The following LHPP variants were observed in gnomAD, a reference collection of about 807,000 sequenced individuals.
LHPP encodes hLHPP.
A neutral mutation model predicts 30.3 loss-of-function variants in LHPP; 24 were observed. The observed-to-expected ratio is 0.79, with a 90% CI of 0.57 to 1.11. The LOEUF (loss-of-function observed/expected upper bound fraction) is 1.11, where lower values mean the gene tolerates loss of function less well. Among genes scored for constraint, LHPP ranks in the 50% most tolerant of loss-of-function variants. The pLI, the probability that LHPP is intolerant of heterozygous loss-of-function variation, is 0.00. For missense variants in LHPP, 356 were observed against 367.2 expected, an observed-to-expected ratio of 0.97 and a Z score of 0.25; for synonymous variants, 150 against 157.1, an observed-to-expected ratio of 0.95 and a Z score of 0.34.
intron 5 of LHPP, among the ~76,000 whole-genome samples, chr10:124,501,484 C>A (rs1953896518): frequency 6.6e-6 from 1 of 151,312 alleles, no homozygotes; most frequent in African/African-American, 2.4e-5. Flanking sequence ...CACCTATAAT[C>A]CTAGCCACTC....
intron 6 of LHPP, among the ~76,000 whole-genome samples, chr10:124,579,968 A>G (rs1948723173): frequency 6.6e-6 from 1 of 152,198 alleles, no homozygotes; most frequent in Non-Finnish European, 1.5e-5. Context: ...TTCTCTTAAG[A>G]CTATGATGGT....
intron 6 of LHPP, among the ~76,000 whole-genome samples, chr10:124,520,014 T>C (rs752651817): frequency 1.8e-4 from 28 of 152,036 alleles, no homozygotes; most frequent in Admixed American, 2.6e-4. Flanking sequence ...TTGGTATTTT[T>C]AGTAGAGACG....
intron 6 of LHPP, among the ~76,000 whole-genome samples, chr10:124,556,996 A>G (rs2133966419): frequency 6.6e-6 from 1 of 152,284 alleles, no homozygotes; most frequent in Middle Eastern, 3.4e-3. Flanking sequence ...TGAAGATGCT[A>G]GCAAATTAAT....
chr10:124,515,057 C>T (rs1486135317), intron 5 of LHPP, among the ~76,000 whole-genome samples: 12 of 152,306 alleles, frequency 7.9e-5, no homozygotes. Flanking sequence ...CCACCTCAGC[C>T]TTCCACAGTG....
At chr10:124,591,128 G>A (rs933758972) in intron 6 of LHPP, among the ~76,000 whole-genome samples, 6 of 152,208 alleles carry the variant, frequency 3.9e-5, no homozygotes, top group East Asian at 1.9e-4. Context: ...CTGCTGCTTC[G>A]GGGTCCAGTC....
In LHPP at chr10:124,598,468, A is replaced by G. The variant is rs144091683; in HGVS notation, c.717-14796A>G. Reference sequence around the variant, plus strand: ...TGGCTGGGCGTGGCCTTGAGGTTCTATTGATAACCCCATGGGGAAAGCCCC... The same window carrying G: ...TGGCTGGGCGTGGCCTTGAGGTTCTGTTGATAACCCCATGGGGAAAGCCCC... On this transcript the variant is annotated intron_variant, in intron 6 of 6. Transcript: ENST00000368842. Among the ~76,000 whole-genome samples, 196 of 152,258 alleles carry G rather than the reference A, an allele frequency of 1.3e-3. 1 individual carries two copies. The highest frequency in any genetic ancestry group is 4.3e-3 in the African/African-American group (179 of 41,554).
At chr10:124,469,303 G>A (rs984204292) in intron 1 of LHPP, among the ~76,000 whole-genome samples, 3 of 152,112 alleles carry the variant, frequency 2.0e-5, no homozygotes, top group Non-Finnish European at 4.4e-5. Context: ...TGCGAGGGGC[G>A]ACACACTGTC....
Position 124,496,033 on chromosome 10 carries a change from TC to T in LHPP, c.468-925del, listed in dbSNP as rs955857441. Among the ~76,000 whole-genome samples the T allele has an allele frequency of 6.6e-6, 1 of 152,196 alleles. No homozygotes were observed. Among genetic ancestry groups the T allele is most frequent in the Non-Finnish European group, 1.5e-5 (1 of 68,028 alleles). On this transcript the variant is annotated intron_variant, in intron 3 of 6. Coordinates refer to ENST00000368842, the MANE Select transcript of LHPP (RefSeq NM_022126.4). This position sits in a 1 kb window ranked among gnomAD's most constrained non-coding sequence, Gnocchi z 4.3. ...TCTGCATACGTGCTTTCTCCACGTC[TC>T]CCATATCGTAAGGGCATGGCAGGAG...
At chr10:124,477,314 CCT>C (rs1952980563) in intron 1 of LHPP, among the ~76,000 whole-genome samples, 1 of 152,180 alleles carries the variant, frequency 6.6e-6, no homozygotes, top group African/African-American at 2.4e-5. Flanking sequence ...TGTCCTTTCC[CCT>C]CTCTGAGGAA....
chr10:124,567,663 C>G (rs1367331607), intron 6 of LHPP, among the ~76,000 whole-genome samples: 1 of 152,246 alleles, frequency 6.6e-6, no homozygotes, highest in Non-Finnish European at 1.5e-5. Context: ...CACTTGTGTT[C>G]CCAGCTGTGG....
At chr10:124,544,864 G>A (rs1955294580) in intron 6 of LHPP, among the ~76,000 whole-genome samples, 1 of 150,900 alleles carries the variant, frequency 6.6e-6, no homozygotes. Flanking sequence ...TCACGTGGAA[G>A]GCGATCACAT....
At chr10:124,487,295 C>T (rs1171181967) in intron 2 of LHPP, among the ~76,000 whole-genome samples, 5 of 152,106 alleles carry the variant, frequency 3.3e-5, no homozygotes, top group African/African-American at 7.2e-5. Context: ...ACCTTTTTTT[C>T]AGAGGGATTG....
intron 6 of LHPP, among the ~76,000 whole-genome samples, chr10:124,601,961 G>A (rs1242944407): frequency 6.6e-6 from 1 of 152,196 alleles, no homozygotes; most frequent in Non-Finnish European, 1.5e-5. Flanking sequence ...TCCTTCTCCA[G>A]GTCCCGTTGA....
chr10:124,592,194 G>T lies in LHPP; in HGVS notation c.717-21070G>T, dbSNP rs909273777. ...GTGACTAGGTGAGGGACAGTGCGGG[G>T]TGGCCTGCCTGCATATGCCAGGTTC... On this transcript the variant is annotated intron_variant, in intron 6 of 6. Coordinates refer to ENST00000368842, the MANE Select transcript of LHPP (RefSeq NM_022126.4). This position sits in a 1 kb window ranked among gnomAD's most constrained non-coding sequence, Gnocchi z 6.2. Among the ~76,000 whole-genome samples the T allele has an allele frequency of 1.1e-4, 17 of 152,170 alleles. No individual in the cohort carries two copies. Among genetic ancestry groups the T allele is most frequent in the African/African-American group, 3.6e-4 (15 of 41,432 alleles).
chr10:124,572,491 C>T (rs1221176345), intron 6 of LHPP, among the ~76,000 whole-genome samples: 1 of 151,768 alleles, frequency 6.6e-6, no homozygotes, highest in African/African-American at 2.4e-5. Flanking sequence ...ATTAGCTGGG[C>T]GTGGTGGTGG....
At chr10:124,506,279 G>A (rs540286099) in intron 5 of LHPP, among the ~76,000 whole-genome samples, 1 of 54,404 alleles carries the variant, frequency 1.8e-5, no homozygotes, top group Non-Finnish European at 3.6e-5. Context: ...CCCCCACCCC[G>A]CGGTTTCTCA....
intron 5 of LHPP, among the ~76,000 whole-genome samples, chr10:124,504,514 T>G (rs1806256586): frequency 6.7e-6 from 1 of 148,596 alleles, no homozygotes; most frequent in African/African-American, 2.5e-5. Context: ...GTGGGCAGAT[T>G]GCTTGGGCCC....
intron 6 of LHPP, among the ~76,000 whole-genome samples, chr10:124,569,339 AG>A (rs1403064559): frequency 1.3e-5 from 2 of 152,132 alleles, no homozygotes; most frequent in African/African-American, 2.4e-5. Flanking sequence ...TCACCCCGTC[AG>A]TTGTCTGTCG....
Position 124,515,935 on chromosome 10 carries a change from C to T in LHPP, c.625-1245C>T, listed in dbSNP as rs186695599. Among the ~76,000 whole-genome samples the T allele has an allele frequency of 9.2e-4, 140 of 151,862 alleles. 1 individual carries two copies. The highest frequency in any genetic ancestry group is 3.0e-3 in the African/African-American group (125 of 41,382). The stretch of plus-strand genomic sequence containing the variant: ...GCTGAGTACTTGAGGGGACCCTCCA[C>T]GATCTCCACAGCTCTTTCTCCATGC... On this transcript the variant is annotated intron_variant, in intron 5 of 6. Coordinates refer to ENST00000368842, the MANE Select transcript of LHPP (RefSeq NM_022126.4).
Sources: allele counts gnomAD v4.1 joint callset (sites outside exome capture counted in the v4.1 genomes callset), GRCh38; gene constraint gnomAD v4.1.1; non-coding constraint Gnocchi (gnomAD v3.1); transcripts MANE v1.5; gene names NCBI Gene and HGNC (gene_info 2026-07-23, HGNC 2026-07-21).